The following GRB14 variants were observed in gnomAD, a reference collection of about 807,000 sequenced individuals.
The protein encoded by GRB14 is growth factor receptor bound protein 14.
Under a neutral mutation model 69.1 loss-of-function variants are expected in GRB14, and 38 were observed. The observed-to-expected ratio is 0.55, with a 90% CI of 0.42 to 0.72. GRB14 has a LOEUF of 0.72. GRB14 is among the 30% of genes least tolerant of loss of function. GRB14 has a pLI of 0.00. For missense variants in GRB14, 666 were observed against 666.1 expected, an observed-to-expected ratio of 1.00 and a Z score of 0.00; for synonymous variants, 247 against 241.3, an observed-to-expected ratio of 1.02 and a Z score of -0.22.
At chr2:164,601,938 T>G (rs1689922900) in intron 2 of GRB14, among the ~76,000 whole-genome samples, 1 of 151,838 alleles carries the variant, frequency 6.6e-6, no homozygotes, top group Non-Finnish European at 1.5e-5. Context: ...CAAGGTAACA[T>G]TCAGTGAAAG....
intron 2 of GRB14, among the ~76,000 whole-genome samples, chr2:164,595,509 C>T (rs147921969): frequency 1.6e-3 from 237 of 152,100 alleles, no homozygotes; most frequent in African/African-American, 5.3e-3. Flanking sequence ...CTAAGCCTGA[C>T]GGGGAAGTAA....
chr2:164,569,445 G>C (rs556055704), intron 2 of GRB14, among the ~76,000 whole-genome samples: 2 of 152,330 alleles, frequency 1.3e-5, no homozygotes, highest in African/African-American at 4.8e-5. Flanking sequence ...ATCTGGACAA[G>C]CTTCACTGAA....
chr2:164,500,880 G>T (rs1687031759), intron 9 of GRB14, among the ~76,000 whole-genome samples: 1 of 152,018 alleles, frequency 6.6e-6, no homozygotes, highest in Non-Finnish European at 1.5e-5. Context: ...CATGTATGCT[G>T]ACAGTGATGA....
At chr2:164,574,094 T>G in intron 2 of GRB14, 2 of 783,536 alleles carry the variant, frequency 2.6e-6, no homozygotes, top group Non-Finnish European at 4.3e-6. Flanking sequence ...TTTTACCAGC[T>G]CATCATACTC....
At chr2:164,584,585 T>TA (rs1197037457) in intron 2 of GRB14, among the ~76,000 whole-genome samples, 3,115 of 145,706 alleles carry the variant, frequency 0.021, 42 homozygotes, top group Middle Eastern at 0.054. Flanking sequence ...CCCTACGATG[T>TA]AAAAAAAAAA....
chr2:164,585,498 G>T (rs987059255), intron 2 of GRB14, among the ~76,000 whole-genome samples: 2 of 152,038 alleles, frequency 1.3e-5, no homozygotes, highest in African/African-American at 4.8e-5. Flanking sequence ...CAATACTCCT[G>T]TGTCATTAGC....
At chr2:164,526,972 G>A in intron 4 of GRB14, 42 bp downstream of exon 4, 1 of 1,433,608 alleles carries the variant, frequency 7.0e-7, no homozygotes, top group Non-Finnish European at 9.4e-7. Flanking sequence ...AATTTAACGG[G>A]TTCATTTATT....
At chr2:164,510,037 C>G (rs1687299983) in intron 6 of GRB14, among the ~76,000 whole-genome samples, 1 of 151,996 alleles carries the variant, frequency 6.6e-6, no homozygotes, top group South Asian at 2.1e-4. Context: ...TTAAAAAGAC[C>G]CAGAATAGGA....
chr2:164,616,287 G>T (rs563030971), intron 2 of GRB14, among the ~76,000 whole-genome samples: 2 of 151,850 alleles, frequency 1.3e-5, no homozygotes, highest in Admixed American at 6.6e-5. Flanking sequence ...TTAGCTGGGC[G>T]TGGTGGCAGG....
chr2:164,513,990 C>T (rs773591462), intron 6 of GRB14, among the ~76,000 whole-genome samples: 2 of 152,162 alleles, frequency 1.3e-5, no homozygotes, highest in Admixed American at 6.5e-5. Flanking sequence ...CTGTAGAATA[C>T]ACATTTATGT....
chr2:164,563,667 G>C (rs1688891562), intron 2 of GRB14, among the ~76,000 whole-genome samples: 1 of 152,150 alleles, frequency 6.6e-6, no homozygotes, highest in Admixed American at 6.5e-5. Context: ...GGACATTGTG[G>C]GGCTGCAACA....
At chr2:164,577,068 T>G (rs1574325968) in intron 2 of GRB14, among the ~76,000 whole-genome samples, 1 of 152,174 alleles carries the variant, frequency 6.6e-6, no homozygotes, top group East Asian at 1.9e-4. Context: ...ACAAATTGAC[T>G]CCATAAAATT....
intron 2 of GRB14, among the ~76,000 whole-genome samples, chr2:164,608,608 TA>T (rs1339353308): frequency 6.6e-6 from 1 of 151,704 alleles, no homozygotes; most frequent in East Asian, 1.9e-4. Flanking sequence ...GAAAAAAAGT[TA>T]AATTAATACA....
At chr2:164,602,404 A>G (rs925802125) in intron 2 of GRB14, among the ~76,000 whole-genome samples, 4 of 152,224 alleles carry the variant, frequency 2.6e-5, no homozygotes, top group African/African-American at 9.6e-5. Context: ...TGCTGGAATA[A>G]TAGGTCAAAA....
chr2:164,617,277 ACT>A (rs1327488875), intron 2 of GRB14, among the ~76,000 whole-genome samples: 5 of 151,846 alleles, frequency 3.3e-5, no homozygotes, highest in Admixed American at 1.3e-4. Flanking sequence ...TCAGGCGGGG[ACT>A]CTCTGCTCAG....
intron 2 of GRB14, among the ~76,000 whole-genome samples, chr2:164,611,535 A>G (rs1445108319): frequency 6.6e-6 from 1 of 151,530 alleles, no homozygotes; most frequent in Non-Finnish European, 1.5e-5. Context: ...ACCACCCCGT[A>G]CCTATTAAAC....
intron 2 of GRB14, chr2:164,573,679 C>T (rs1263241744): frequency 9.4e-6 from 15 of 1,590,408 alleles, no homozygotes; most frequent in Middle Eastern, 2.0e-4. Context: ...AAGCCAGAAT[C>T]TTGAGTTGCC....
At chr2:164,524,913 C>A in intron 5 of GRB14, 91 bp downstream of exon 5, 1 of 695,758 alleles carries the variant, frequency 1.4e-6, no homozygotes. Flanking sequence ...CAAAGCATAA[C>A]TTTTCAAAAT....
At chr2:164,527,668 C>T (rs1421739023) in intron 3 of GRB14, among the ~76,000 whole-genome samples, 2 of 151,854 alleles carry the variant, frequency 1.3e-5, no homozygotes, top group Non-Finnish European at 2.9e-5. Flanking sequence ...AATTTTAATA[C>T]AAGAAGATAC....
Sources: gnomAD v4.1 joint callset for allele counts (sites outside exome capture counted in the v4.1 genomes callset) on GRCh38, gnomAD v4.1.1 for gene constraint, MANE v1.5 for transcripts, NCBI Gene and HGNC (gene_info 2026-07-23, HGNC 2026-07-21) for gene names.